The following PPM1L variants were observed in gnomAD, a reference collection of about 807,000 sequenced individuals.
The protein encoded by PPM1L is protein phosphatase 1L.
A neutral mutation model predicts 31.4 loss-of-function variants in PPM1L; 13 were observed. The ratio of observed to expected loss-of-function variants is 0.41; its 90% confidence interval spans 0.27 to 0.66. The LOEUF is 0.66. Among genes scored for constraint, PPM1L ranks in the 30% least tolerant of loss-of-function variants. PPM1L has a pLI of 0.29. For missense variants in PPM1L, 326 were observed against 453.7 expected (o/e 0.72, Z 2.56); for synonymous variants, 184 against 175.4 (o/e 1.05, Z -0.39).
chr3:160,849,771 A>G (rs1714205294), intron 1 of PPM1L, among the ~76,000 whole-genome samples: 1 of 151,668 alleles, frequency 6.6e-6, no homozygotes, highest in Admixed American at 6.6e-5. Context: ...TCACTGTGTG[A>G]GCCAGGATGG....
intron 1 of PPM1L, among the ~76,000 whole-genome samples, chr3:160,808,390 T>TGTGTGTGTGTGTGTGCGCGCGCGCGC (rs1712693336): frequency 6.8e-5 from 10 of 146,464 alleles, no homozygotes; most frequent in African/African-American, 1.0e-4. Flanking sequence ...TTCCTGTGTG[T>TGTGTGTGTGTGTGTGCGCGCGCGCGC]GTGTGTGTGT....
chr3:160,803,956 C>T (rs200810862), intron 1 of PPM1L, among the ~76,000 whole-genome samples: 1 of 152,192 alleles, frequency 6.6e-6, no homozygotes, highest in Non-Finnish European at 1.5e-5. Context: ...CTCGCTCTGT[C>T]GCCCAGGATG....
At chr3:161,005,180 A>T (rs973374983) in intron 2 of PPM1L, among the ~76,000 whole-genome samples, 1 of 152,164 alleles carries the variant, frequency 6.6e-6, no homozygotes, top group African/African-American at 2.4e-5. Context: ...GTAGTCATTC[A>T]GGAGCAGGTT....
intron 2 of PPM1L, among the ~76,000 whole-genome samples, chr3:161,016,468 T>A (rs1471229270): frequency 6.6e-6 from 1 of 152,102 alleles, no homozygotes; most frequent in Non-Finnish European, 1.5e-5. Flanking sequence ...CTAACCAAGA[T>A]ATGGAACGCT....
At chr3:160,799,242 A>T (rs1237845747) in intron 1 of PPM1L, among the ~76,000 whole-genome samples, 1 of 152,244 alleles carries the variant, frequency 6.6e-6, no homozygotes, top group Non-Finnish European at 1.5e-5. Context: ...CAATTTTTAA[A>T]GAAGTTCTAC....
chr3:160,968,588 TTTGGGCATGAATA>T (rs1716227090), intron 2 of PPM1L, among the ~76,000 whole-genome samples: 1 of 152,330 alleles, frequency 6.6e-6, no homozygotes, highest in Middle Eastern at 3.4e-3. Flanking sequence ...TATTTTTGAG[TTTGGGCATGAATA>T]AATATTCCCT....
chr3:160,788,337 G>A (rs1171373985), intron 1 of PPM1L, among the ~76,000 whole-genome samples: 2 of 151,944 alleles, frequency 1.3e-5, no homozygotes, highest in Non-Finnish European at 2.9e-5. Flanking sequence ...CACCTCCATG[G>A]TTAGCTGTAT....
At chr3:161,006,005 G>A (rs998424044) in intron 2 of PPM1L, among the ~76,000 whole-genome samples, 1 of 151,684 alleles carries the variant, frequency 6.6e-6, no homozygotes, top group Non-Finnish European at 1.5e-5. Context: ...TTTAAAAGAT[G>A]CATTAAAAAT....
At chr3:160,834,312 C>T (rs778471376) in intron 1 of PPM1L, among the ~76,000 whole-genome samples, 3 of 151,968 alleles carry the variant, frequency 2.0e-5, no homozygotes, top group African/African-American at 2.4e-5. Context: ...TATGAGCCAC[C>T]GTGCCCGGCC....
chr3:160,900,225 T>G (rs1444414220), intron 1 of PPM1L, among the ~76,000 whole-genome samples: 2 of 152,118 alleles, frequency 1.3e-5, no homozygotes, highest in Non-Finnish European at 2.9e-5. Flanking sequence ...ATTAACAGGT[T>G]TCTACTCCAT....
At chr3:161,048,128 A>C (rs1277266325) in intron 2 of PPM1L, among the ~76,000 whole-genome samples, 1 of 152,262 alleles carries the variant, frequency 6.6e-6, no homozygotes. Context: ...AGCAAAAGAA[A>C]CTACCATCAG....
At chr3:160,969,479 C>T (rs761775459) in intron 2 of PPM1L, among the ~76,000 whole-genome samples, 1 of 152,154 alleles carries the variant, frequency 6.6e-6, no homozygotes, top group Non-Finnish European at 1.5e-5. Flanking sequence ...CAACCAAACC[C>T]AGGAAAGAGT....
Position 161,068,885 on chromosome 3 carries a change from C to T in PPM1L, c.811C>T (p.Pro271Ser), listed in dbSNP as rs191814793. Reference protein sequence around the residue: ...LAMSRSLGDYPLKNLNVVIPD... With the variant: ...LAMSRSLGDYSLKNLNVVIPD... ...CATGTCTCGGTCCCTGGGGGATTAT[C>T]CGCTGAAAAATCTCAACGTGGTCAT... The change falls in exon 4 of 4, where the codon CCG becomes TCG. Residue 271 changes from proline to serine, a missense_variant. Coordinates refer to ENST00000498165, the MANE Select transcript of PPM1L (RefSeq NM_139245.4). 14 of 1,614,122 alleles carry T rather than the reference C, an allele frequency of 8.7e-6. No homozygotes were observed. The Admixed American group carries it at 1.8e-4, about 21-fold the overall frequency.
At chr3:160,875,837 TG>T (rs1279796918) in intron 1 of PPM1L, among the ~76,000 whole-genome samples, 1 of 152,204 alleles carries the variant, frequency 6.6e-6, no homozygotes, top group Non-Finnish European at 1.5e-5. Context: ...TCATGCAGAA[TG>T]GCTATGAGTG....
intron 1 of PPM1L, among the ~76,000 whole-genome samples, chr3:160,766,594 A>T (rs1326342736): frequency 6.6e-6 from 1 of 152,116 alleles, no homozygotes; most frequent in African/African-American, 2.4e-5. Flanking sequence ...GCCATGTGGA[A>T]CTGTGAGTCA....
intron 2 of PPM1L, among the ~76,000 whole-genome samples, chr3:160,974,912 A>T (rs1161166821): frequency 6.6e-6 from 1 of 151,238 alleles, no homozygotes; most frequent in Non-Finnish European, 1.5e-5. Flanking sequence ...TTTTGTTGCC[A>T]TTGCTTTTGG....
At position 160,777,014 on chromosome 3, in the gene PPM1L, G is replaced by A. The variant is rs926998343; in HGVS notation, c.399+20307G>A. Among the ~76,000 whole-genome samples, 5 of 151,770 alleles carry A rather than the reference G, an allele frequency of 3.3e-5. No individual in the cohort carries two copies. The South Asian group carries it at 1.1e-3, about 32-fold the overall frequency. On this transcript the variant is annotated intron_variant, in intron 1 of 3. Coordinates refer to ENST00000498165, the MANE Select transcript of PPM1L (RefSeq NM_139245.4). ...TTTGTTAACCTTTCCATTTCTTCTA[G>A]TATGAAAGTTTAAGCTAAATAATTT...
intron 1 of PPM1L, among the ~76,000 whole-genome samples, chr3:160,864,063 T>G (rs1337250480): frequency 6.6e-6 from 1 of 152,230 alleles, no homozygotes; most frequent in Non-Finnish European, 1.5e-5. Context: ...GAACATTTTA[T>G]TAGATTTGTT....
At chr3:160,806,618 C>T (rs973954796) in intron 1 of PPM1L, among the ~76,000 whole-genome samples, 3 of 152,056 alleles carry the variant, frequency 2.0e-5, no homozygotes, top group African/African-American at 7.3e-5. Context: ...TTTTAAAAAT[C>T]GAAGTAACAT....
Sources: gnomAD v4.1 joint callset for allele counts (sites outside exome capture counted in the v4.1 genomes callset) on GRCh38, gnomAD v4.1.1 for gene constraint, MANE v1.5 for transcripts, NCBI Gene and HGNC (gene_info 2026-07-23, HGNC 2026-07-21) for gene names.